The following ANTXR1 variants were observed in gnomAD, a reference collection of about 807,000 sequenced individuals.
ANTXR1 encodes the protein ANTXR cell adhesion molecule 1.
ANTXR1 carries 19 observed loss-of-function variants against 78.1 expected under a neutral mutation model. That is an observed-to-expected ratio of 0.24 (90% CI 0.17 to 0.36). ANTXR1 has a LOEUF of 0.36. ANTXR1 is among the 10% of genes least tolerant of loss of function. The probability of loss-of-function intolerance (pLI) is 1.00; values close to 1 mark genes in which losing one functional copy is unlikely to be tolerated. For missense variants in ANTXR1, 518 were observed against 718.6 expected (o/e 0.72, Z 3.19); for synonymous variants, 273 against 260.5 (o/e 1.05, Z -0.46).
chr2:69,076,619 G>C (rs564084086), intron 7 of ANTXR1, among the ~76,000 whole-genome samples: 29 of 152,360 alleles, frequency 1.9e-4, no homozygotes, highest in Non-Finnish European at 2.4e-4. Flanking sequence ...AGTATGAACA[G>C]TGTCTATCAA....
At chr2:69,205,341 C>T (rs1674869816) in intron 17 of ANTXR1, among the ~76,000 whole-genome samples, 1 of 152,076 alleles carries the variant, frequency 6.6e-6, no homozygotes, top group African/African-American at 2.4e-5. Context: ...AGGCCTGCAA[C>T]CAGGGAGGGT....
chr2:69,132,091 A>T (rs1672766543), intron 12 of ANTXR1, among the ~76,000 whole-genome samples: 1 of 152,152 alleles, frequency 6.6e-6, no homozygotes. Flanking sequence ...AACCATAGAG[A>T]CTGATAGACT....
At chr2:69,061,065 A>T (rs1008205881) in intron 3 of ANTXR1, among the ~76,000 whole-genome samples, 1 of 152,194 alleles carries the variant, frequency 6.6e-6, no homozygotes, top group Non-Finnish European at 1.5e-5. Flanking sequence ...GGAAATACTG[A>T]AGATGAACAA....
chr2:69,190,546 A>C (rs1674522058), intron 16 of ANTXR1, among the ~76,000 whole-genome samples: 1 of 152,180 alleles, frequency 6.6e-6, no homozygotes, highest in South Asian at 2.1e-4. Context: ...CCTAACTTCA[A>C]TATTTAATTT....
chr2:69,093,980 T>G (rs1671318868), intron 9 of ANTXR1, among the ~76,000 whole-genome samples: 1 of 152,204 alleles, frequency 6.6e-6, no homozygotes, highest in Non-Finnish European at 1.5e-5. Flanking sequence ...ACATGCTGAT[T>G]ACAGAATAAC....
intron 10 of ANTXR1, among the ~76,000 whole-genome samples, chr2:69,107,631 T>C (rs900461433): frequency 6.6e-6 from 1 of 152,102 alleles, no homozygotes; most frequent in African/African-American, 2.4e-5. Context: ...AGACAATATT[T>C]GAGATCAAGC....
intron 10 of ANTXR1, among the ~76,000 whole-genome samples, chr2:69,106,375 G>C (rs75422889): frequency 0.016 from 2,462 of 152,318 alleles, 82 homozygotes; most frequent in African/African-American, 0.056. Context: ...TCAAAGGAAA[G>C]AAGTGGGAAT....
At chr2:69,059,906 G>C (rs1210025973) in intron 3 of ANTXR1, among the ~76,000 whole-genome samples, 1 of 152,198 alleles carries the variant, frequency 6.6e-6, no homozygotes, top group African/African-American at 2.4e-5. Context: ...TCAAAAGCCA[G>C]ATGGTGCCAT....
intron 16 of ANTXR1, among the ~76,000 whole-genome samples, chr2:69,191,748 T>C (rs1674551013): frequency 6.6e-6 from 1 of 152,232 alleles, no homozygotes; most frequent in Non-Finnish European, 1.5e-5. Flanking sequence ...AGGATCTAAA[T>C]TAAAGCGCTT....
intron 8 of ANTXR1, among the ~76,000 whole-genome samples, chr2:69,080,382 G>C (rs1670866002): frequency 1.3e-5 from 2 of 152,112 alleles, no homozygotes; most frequent in South Asian, 4.2e-4. Flanking sequence ...TTTTGTGGCT[G>C]GTTATTTTCT....
At chr2:69,232,498 CAAA>C (rs757638057) in intron 17 of ANTXR1, among the ~76,000 whole-genome samples, 2 of 92,030 alleles carry the variant, frequency 2.2e-5, no homozygotes, top group Non-Finnish European at 2.4e-5. Context: ...AGCTTGTCTC[CAAA>C]AAAAAAAAAA....
At position 69,086,199 on chromosome 2, in the gene ANTXR1, G is replaced by A. The variant is rs557681799; in HGVS notation, c.643-4660G>A. On this transcript the variant is annotated intron_variant, in intron 8 of 17. Coordinates refer to ENST00000303714, the MANE Select transcript of ANTXR1 (RefSeq NM_032208.3). The stretch of plus-strand genomic sequence containing the variant: ...AGAGCAAGTAGAAAAAAGAAATGCC[G>A]TGCCTATGATAAGGGAGGGATTCCT... 5.3e-5 allele frequency among the ~76,000 whole-genome samples: 8 copies of A among 152,294 alleles called. No individual in the cohort carries two copies. In the East Asian group the frequency reaches 1.3e-3, roughly 26 times the overall value.
intron 3 of ANTXR1, among the ~76,000 whole-genome samples, chr2:69,062,836 G>C (rs1299951072): frequency 1.3e-5 from 2 of 151,900 alleles, no homozygotes; most frequent in Non-Finnish European, 2.9e-5. Context: ...TACAGGAAAA[G>C]GTGAATACAA....
At chr2:69,163,489 GTC>G (rs1005810580) in intron 13 of ANTXR1, among the ~76,000 whole-genome samples, 11 of 152,194 alleles carry the variant, frequency 7.2e-5, no homozygotes, top group African/African-American at 2.2e-4. Flanking sequence ...TTTCAGCATG[GTC>G]TCTGAGGAAG....
intron 8 of ANTXR1, among the ~76,000 whole-genome samples, chr2:69,086,695 C>T (rs2104268736): frequency 6.6e-6 from 1 of 152,352 alleles, no homozygotes; most frequent in Middle Eastern, 3.4e-3. Context: ...CCAAAAGTAG[C>T]AGCAGTAGCA....
chr2:69,112,991 G>T (rs1672034709), intron 10 of ANTXR1, among the ~76,000 whole-genome samples: 1 of 152,200 alleles, frequency 6.6e-6, no homozygotes, highest in Non-Finnish European at 1.5e-5. Flanking sequence ...TATTCTGGGG[G>T]TGAGTTGACA....
chr2:69,197,928 C>T (rs1674700716), intron 17 of ANTXR1, among the ~76,000 whole-genome samples: 1 of 152,208 alleles, frequency 6.6e-6, no homozygotes, highest in South Asian at 2.1e-4. Flanking sequence ...TTTCTTATCA[C>T]GTCACCATTG....
At chr2:69,231,924 C>G (rs1169213399) in intron 17 of ANTXR1, among the ~76,000 whole-genome samples, 1 of 152,086 alleles carries the variant, frequency 6.6e-6, no homozygotes, top group East Asian at 1.9e-4. Flanking sequence ...GACCCCTCCT[C>G]GCCACAGCAC....
chr2:69,116,595 C>G (rs1672150616), intron 10 of ANTXR1, among the ~76,000 whole-genome samples: 1 of 152,138 alleles, frequency 6.6e-6, no homozygotes, highest in South Asian at 2.1e-4. Flanking sequence ...CCAAGGGACA[C>G]TAGGAGAAAC....
Sources: gnomAD v4.1 joint callset for allele counts (sites outside exome capture counted in the v4.1 genomes callset) on GRCh38, gnomAD v4.1.1 for gene constraint, MANE v1.5 for transcripts, NCBI Gene and HGNC (gene_info 2026-07-23, HGNC 2026-07-21) for gene names.